IKZF1: variants seen among roughly 807,000 people sequenced by gnomAD.
The protein encoded by IKZF1 is IKAROS family zinc finger 1.
IKZF1 carries 10 observed loss-of-function variants against 51.7 expected under a neutral mutation model. That is an observed-to-expected ratio of 0.19 (90% CI 0.12 to 0.33). The LOEUF is 0.33. Ranked by LOEUF, IKZF1 falls within the 10% of genes least tolerant of loss-of-function variation. The probability of loss-of-function intolerance (pLI) is 1.00; values close to 1 mark genes in which losing one functional copy is unlikely to be tolerated. For synonymous variants in IKZF1, 280 were observed against 282.3 expected (o/e 0.99, Z 0.08); for missense variants, 484 against 707.5 (o/e 0.68, Z 3.58).
intron 1 of IKZF1, among the ~76,000 whole-genome samples, chr7:50,315,323 AAGAC>A (rs529972874): frequency 1.7e-3 from 263 of 152,184 alleles, no homozygotes; most frequent in African/African-American, 5.8e-3. Flanking sequence ...AGGCAGAGGA[AAGAC>A]AGACAGAGAT....
chr7:50,351,671 G>A (rs1279875674), intron 3 of IKZF1, among the ~76,000 whole-genome samples: 1 of 152,188 alleles, frequency 6.6e-6, no homozygotes, highest in East Asian at 1.9e-4. Flanking sequence ...ACTATCTGGG[G>A]CTATGTCAGG....
intron 1 of IKZF1, among the ~76,000 whole-genome samples, chr7:50,309,183 G>A (rs944318661): frequency 5.9e-5 from 9 of 152,176 alleles, no homozygotes; most frequent in African/African-American, 2.2e-4. Flanking sequence ...TAGTGGAAAA[G>A]TGCTTTCTTC....
At chr7:50,335,380 G>A (rs1797441216) in intron 3 of IKZF1, among the ~76,000 whole-genome samples, 1 of 147,018 alleles carries the variant, frequency 6.8e-6, no homozygotes, top group Non-Finnish European at 1.5e-5. Flanking sequence ...GGTGTGTGGT[G>A]TGTATGTGTG....
At chr7:50,329,491 G>C (rs1202496191) in intron 3 of IKZF1, among the ~76,000 whole-genome samples, 2 of 152,176 alleles carry the variant, frequency 1.3e-5, no homozygotes, top group Non-Finnish European at 2.9e-5. Flanking sequence ...ACCATGCACT[G>C]TACCACTACG....
chr7:50,337,957 A>G (rs2153410195), intron 3 of IKZF1, among the ~76,000 whole-genome samples: 1 of 152,308 alleles, frequency 6.6e-6, no homozygotes, highest in South Asian at 2.1e-4. Context: ...GCCCGGACAC[A>G]TTCGTCCTCA....
chr7:50,396,099 CT>C (rs952880505), intron 7 of IKZF1, among the ~76,000 whole-genome samples: 2 of 151,968 alleles, frequency 1.3e-5, no homozygotes, highest in East Asian at 1.9e-4. Flanking sequence ...TAGAGAGTCC[CT>C]TTTTTTTCTC....
intron 2 of IKZF1, among the ~76,000 whole-genome samples, chr7:50,325,294 A>T (rs1794643879): frequency 6.6e-6 from 1 of 151,096 alleles, no homozygotes; most frequent in South Asian, 2.1e-4. Context: ...AAAAAAAAAA[A>T]AATTCCTCTG....
chr7:50,367,839 T>A, intron 3 of IKZF1: 1 of 593,648 alleles, frequency 1.7e-6, no homozygotes, highest in South Asian at 2.1e-5. Flanking sequence ...GAGTAATTAC[T>A]TTTCTGTTGC....
In IKZF1 at chr7:50,401,060, G is replaced by A. The variant is rs140151380; in HGVS notation, c.*433G>A. 4.3e-4 allele frequency: 136 copies of A among 316,420 alleles called. No homozygotes were observed. Among genetic ancestry groups the A allele is most frequent in the African/African-American group, 2.6e-3 (120 of 46,136 alleles). The allele number at this position is 316,420 out of a possible 1,614,324, so 19.6% of individuals were successfully genotyped here. On this transcript the variant is annotated 3_prime_UTR_variant, in exon 8 of 8. Coordinates refer to ENST00000331340, the MANE Select transcript of IKZF1 (RefSeq NM_006060.6). The stretch of plus-strand genomic sequence containing the variant: ...TCTTTTTCCAGTCCCCAGAAGCAGA[G>A]AGCACAGCCCCTGCTGTGTGGGTCT...
chr7:50,348,698 A>G (rs772865150), intron 3 of IKZF1, among the ~76,000 whole-genome samples: 18 of 152,244 alleles, frequency 1.2e-4, no homozygotes, highest in Non-Finnish European at 2.4e-4. Context: ...AGTAAAAAAT[A>G]AACAAACAAG....
chr7:50,316,104 A>G (rs1308129352), intron 1 of IKZF1, among the ~76,000 whole-genome samples: 2 of 152,156 alleles, frequency 1.3e-5, no homozygotes, highest in Non-Finnish European at 2.9e-5. Flanking sequence ...CTGCTTTTTC[A>G]TCTCAAGAGA....
intron 2 of IKZF1, among the ~76,000 whole-genome samples, chr7:50,324,696 G>A (rs184827949): frequency 2.4e-4 from 37 of 152,322 alleles, no homozygotes; most frequent in Admixed American, 2.0e-3. Context: ...AAGCGTACCT[G>A]TTATTATGAA....
chr7:50,311,798 G>A (rs906039272), intron 1 of IKZF1, among the ~76,000 whole-genome samples: 3 of 152,048 alleles, frequency 2.0e-5, no homozygotes, highest in African/African-American at 7.2e-5. Flanking sequence ...GCAAGATAAA[G>A]CATTCTTTGT....
In IKZF1 at chr7:50,325,111, G is replaced by C. The variant is rs78328087; in HGVS notation, c.41-2527G>C. Among the ~76,000 whole-genome samples, 307 of 152,188 alleles carry C rather than the reference G, an allele frequency of 2.0e-3. 1 individual carries two copies. The highest frequency in any genetic ancestry group is 6.7e-3 in the African/African-American group (278 of 41,504). On this transcript the variant is annotated intron_variant, in intron 2 of 7. Transcript: ENST00000331340. ...CAGAAGGCTCCATGGTCATTTCTATGAAGGTACTTTAGCAGGTCTTCAAGA... is the reference window on the plus strand; with the variant it reads ...CAGAAGGCTCCATGGTCATTTCTATCAAGGTACTTTAGCAGGTCTTCAAGA...
At chr7:50,361,107 C>T (rs773538932) in intron 3 of IKZF1, among the ~76,000 whole-genome samples, 1 of 152,212 alleles carries the variant, frequency 6.6e-6, no homozygotes, top group Non-Finnish European at 1.5e-5. Context: ...CAAGAGCCTT[C>T]CTATCTAATC....
At chr7:50,368,128 C>G in intron 3 of IKZF1, 1 of 703,462 alleles carries the variant, frequency 1.4e-6, no homozygotes, top group Non-Finnish European at 2.6e-6. Context: ...ATGTAAATAT[C>G]GTACGTGCAT....
At chr7:50,341,136 G>A (rs1196355836) in intron 3 of IKZF1, among the ~76,000 whole-genome samples, 2 of 134,340 alleles carry the variant, frequency 1.5e-5, no homozygotes, top group Non-Finnish European at 3.1e-5. Flanking sequence ...TAAATGTTGG[G>A]TATGGAGTCT....
chr7:50,309,313 G>A (rs1412315572), intron 1 of IKZF1, among the ~76,000 whole-genome samples: 3 of 152,192 alleles, frequency 2.0e-5, no homozygotes, highest in Admixed American at 1.3e-4. Context: ...TGGGTAGGAG[G>A]TTAGGTTTGT....
intron 1 of IKZF1, among the ~76,000 whole-genome samples, chr7:50,311,009 A>G (rs1327240868): frequency 6.6e-6 from 1 of 152,256 alleles, no homozygotes; most frequent in African/African-American, 2.4e-5. Context: ...TACTGTGGGT[A>G]TAGTTCAACA....
Sources: allele counts gnomAD v4.1 joint callset (sites outside exome capture counted in the v4.1 genomes callset), GRCh38; gene constraint gnomAD v4.1.1; transcripts MANE v1.5; gene names NCBI Gene and HGNC (gene_info 2026-07-23, HGNC 2026-07-21).